The following REV3L variants were observed in gnomAD, a reference collection of about 807,000 sequenced individuals.
REV3L encodes REV3 like, DNA directed polymerase zeta catalytic subunit.
In REV3L, 69 loss-of-function variants were observed where a neutral mutation model predicts 299.4. The observed-to-expected ratio is 0.23, with a 90% CI of 0.19 to 0.28. The LOEUF is 0.28. REV3L is among the 10% of genes least tolerant of loss of function. The pLI is 1.00. For missense variants in REV3L, 3,128 were observed against 3,693.8 expected, an observed-to-expected ratio of 0.85 and a Z score of 3.97; for synonymous variants, 1,238 against 1,271.4, an observed-to-expected ratio of 0.97 and a Z score of 0.56.
chr6:111,388,980 AATAC>A lies in REV3L; in HGVS notation c.862+122_862+125del, dbSNP rs1272943994. ...GCTGTACAGCAATGACAACAAGAAA[AATAC>A]ATACAAAATATAAAGGTCATTTGAA... On this transcript the variant is annotated intron_variant, in intron 7 of 31. Transcript: ENST00000368802. The A allele has an allele frequency of 6.0e-6, 4 of 665,536 alleles. No homozygotes were observed. In the Admixed American group the frequency reaches 1.2e-4, roughly 19 times the overall value. 41.2% of individuals were successfully genotyped at this position (665,536 alleles called of 1,614,324 possible). A position where few individuals can be genotyped will look rare whatever the true frequency, so the allele number is the denominator to read the frequency against.
rs1291209543 is a variant in REV3L at position 111,367,694 on chromosome 6, T to C, written c.6094A>G (p.Lys2032Glu). 1.2e-6 allele frequency: 2 copies of C among 1,614,228 alleles called. No homozygotes were observed. Among genetic ancestry groups the C allele is most frequent in the South Asian group, 2.2e-5 (2 of 91,090 alleles). ...GAAGAGCTAAAGTTCTCAGCAGATT[T>C]TACAACTCCAGTTGGCTTGGTTTTA... is the stretch of plus-strand genomic sequence containing the variant. ...LPKTKPTGVV[K>E]SAENFSSSVN... Residue 2032 changes from lysine to glutamate, a missense_variant, in exon 14 of 32, where the codon AAA (lysine) becomes GAA (glutamate). By Grantham distance (56) the Lys-to-Glu change is moderately conservative. Around this residue, in one of 9 missense-constraint regions of REV3L, gnomAD observed 2,409 missense variants for 2,611.8 expected, o/e 0.92. Coordinates refer to ENST00000368802, the MANE Select transcript of REV3L (RefSeq NM_001372078.1).
At chr6:111,405,334 T>G in intron 4 of REV3L, 136 bp downstream of exon 4, 1 of 590,624 alleles carries the variant, frequency 1.7e-6, no homozygotes, top group Non-Finnish European at 2.6e-6. Context: ...CCACTTTGCA[T>G]GTATTTCTTT....
Position 111,377,837 on chromosome 6 carries a change from C to G in REV3L, c.1461G>C (p.Leu487=). 6.2e-7 allele frequency: 1 copy of G among 1,610,448 alleles called. No homozygotes were observed. The highest frequency in any genetic ancestry group is 8.5e-7 in the Non-Finnish European group (1 of 1,178,654). The change falls in exon 12 of 32, where the codon CTG becomes CTC. Residue 487 remains leucine (L), a synonymous_variant. Transcript: ENST00000368802. ...IEEHCAKKRS[L]CRNTHRSSTE... is the part of the protein sequence containing the mutation. ...TTGAACTTCTGTGGGTATTTCTGCA[C>G]AGTGATCTGGAGAACATTAAAATTC...
At position 111,416,347 on chromosome 6, in the gene REV3L, C is replaced by A. The variant is rs763277034; in HGVS notation, c.265G>T (p.Val89Leu). ...MAFSIDRALN[V>L]ALGNPSSTAQ... ...GTGGAAGATGGATTGCCTAAAGCCA[C>A]ATTAAGTGCTCTGTCGATACTGAAT... is the stretch of plus-strand genomic sequence containing the variant. The change falls in exon 2 of 32, where the codon GTG becomes TTG. Residue 89 changes from valine (V) to leucine (L), a missense_variant. Physicochemically the swap from Val to Leu is conservative, Grantham distance 32 (BLOSUM62 1). Transcript: ENST00000368802. 6.2e-7 allele frequency: 1 copy of A among 1,613,916 alleles called. No individual in the cohort carries two copies. The highest frequency in any genetic ancestry group is 1.7e-5 in the Admixed American group (1 of 60,002).
At chr6:111,360,148 A>G (rs1182578918) in intron 16 of REV3L, among the ~76,000 whole-genome samples, 2 of 152,196 alleles carry the variant, frequency 1.3e-5, no homozygotes, top group Admixed American at 6.5e-5. Context: ...GATACACACA[A>G]TGGAATATTC....
At chr6:111,429,522 C>A (rs1204348708) in intron 1 of REV3L, among the ~76,000 whole-genome samples, 1 of 127,264 alleles carries the variant, frequency 7.9e-6, no homozygotes, top group African/African-American at 2.5e-5. Flanking sequence ...TTGTAGTGTA[C>A]AATCCATTTG....
Position 111,299,842 on chromosome 6 carries a change from C to A in REV3L, c.*174G>T. 1 of 507,206 alleles carries A rather than the reference C, an allele frequency of 2.0e-6. No individual in the cohort carries two copies. The highest frequency in any genetic ancestry group is 3.3e-6 in the Non-Finnish European group (1 of 299,032). 31.4% of individuals were successfully genotyped at this position (507,206 alleles called of 1,614,324 possible). ...GAATTTGTACATTGTAAGAAGTGAG[C>A]TATTCAGAGATCAACAAGTACATTT... is the stretch of plus-strand genomic sequence containing the variant. On this transcript the variant is annotated 3_prime_UTR_variant, in exon 32 of 32. Coordinates refer to ENST00000368802, the MANE Select transcript of REV3L (RefSeq NM_001372078.1).
intron 1 of REV3L, among the ~76,000 whole-genome samples, chr6:111,456,178 A>C (rs138917865): frequency 6.6e-6 from 1 of 152,346 alleles, no homozygotes; most frequent in African/African-American, 2.4e-5. Context: ...GTTAAGCAAC[A>C]CACAACTATA....
Position 111,416,195 on chromosome 6 carries a change from G to T in REV3L, c.329+88C>A, listed in dbSNP as rs1329036414. ...CAGTTCCATTAGACTAGAAGTAAAA[G>T]AAATAGAGTTTATCAACTGAGTATG... On this transcript the variant is annotated intron_variant, in intron 2 of 31. Coordinates refer to ENST00000368802, the MANE Select transcript of REV3L (RefSeq NM_001372078.1). 1.9e-5 allele frequency: 17 copies of T among 905,236 alleles called. No individual in the cohort carries two copies. In the Admixed American group the frequency reaches 2.0e-4, roughly 10 times the overall value. 56.1% of individuals were successfully genotyped at this position (905,236 alleles called of 1,614,324 possible). A position where few individuals can be genotyped will look rare whatever the true frequency, so the allele number is the denominator to read the frequency against.
At position 111,372,890 on chromosome 6, in the gene REV3L, A is replaced by G. The variant is rs756969348; in HGVS notation, c.5465T>C (p.Leu1822Pro). 1 of 1,614,044 alleles carries G rather than the reference A, an allele frequency of 6.2e-7. No homozygotes were observed. Among genetic ancestry groups the G allele is most frequent in the Non-Finnish European group, 8.5e-7 (1 of 1,180,000 alleles). Residue 1822 changes from leucine (L) to proline (P), a missense_variant, in exon 13 of 32, where the codon CTC becomes CCC. Physicochemically the swap from Leu to Pro is moderately conservative, Grantham distance 98 (BLOSUM62 -3). This residue lies in a region of REV3L where 2,409 missense variants were observed against 2,611.8 expected (regional missense o/e 0.92). Coordinates refer to ENST00000368802, the MANE Select transcript of REV3L (RefSeq NM_001372078.1). The stretch of plus-strand genomic sequence containing the variant: ...TACAAGTTCACCATCAGGGGAGGAG[A>G]GTATTGCAGTAAAAGAGGTATTGGC... ...DSANTSFTAI[L>P]SSPDGELVDV...
chr6:111,455,052 G>A (rs143644271), intron 1 of REV3L, among the ~76,000 whole-genome samples: 2 of 152,080 alleles, frequency 1.3e-5, no homozygotes, highest in African/African-American at 2.4e-5. Flanking sequence ...CTCATGAAAC[G>A]CACACTCTAA....
chr6:111,334,300 T>C (rs1775695748), intron 22 of REV3L, among the ~76,000 whole-genome samples: 1 of 152,190 alleles, frequency 6.6e-6, no homozygotes, highest in Admixed American at 6.5e-5. Context: ...GCTGTATAGT[T>C]TGACAATTTC....
Position 111,375,783 on chromosome 6 carries a change from T to C in REV3L, c.2572A>G (p.Ile858Val). ...SETGSTKDNF[I>V]QNNPCNSNPE... is the part of the protein sequence containing the mutation. ...TTACTATTACAAGGATTATTTTGTA[T>C]AAAATTATCTTTTGTGGATCCAGTC... The change falls in exon 13 of 32, where the codon ATA (isoleucine) becomes GTA (valine). Residue 858 changes from isoleucine (I) to valine (V), a missense_variant. Physicochemically the swap from Ile to Val is conservative, Grantham distance 29. Around this residue, in one of 9 missense-constraint regions of REV3L, gnomAD observed 2,409 missense variants for 2,611.8 expected, o/e 0.92. Transcript: ENST00000368802. 2.5e-6 allele frequency: 4 copies of C among 1,613,594 alleles called. No homozygotes were observed. The highest frequency in any genetic ancestry group is 3.4e-6 in the Non-Finnish European group (4 of 1,179,684).
At chr6:111,482,359 G>C (rs769228305) in intron 1 of REV3L, among the ~76,000 whole-genome samples, 2 of 152,206 alleles carry the variant, frequency 1.3e-5, no homozygotes, top group African/African-American at 4.8e-5. Flanking sequence ...ACTAGCGACC[G>C]ACCTCAGAGC....
At chr6:111,414,490 G>T (rs1236224697) in intron 2 of REV3L, among the ~76,000 whole-genome samples, 2 of 152,044 alleles carry the variant, frequency 1.3e-5, no homozygotes, top group South Asian at 2.1e-4. Context: ...AGCCACTCAA[G>T]AATTTTTAAA....
intron 20 of REV3L, among the ~76,000 whole-genome samples, chr6:111,344,916 G>C (rs1776877739): frequency 6.6e-6 from 1 of 152,166 alleles, no homozygotes; most frequent in Non-Finnish European, 1.5e-5. Context: ...TCAGTGCAGT[G>C]ACCCAAATTG....
At chr6:111,333,642 T>C (rs1775618481) in intron 22 of REV3L, among the ~76,000 whole-genome samples, 1 of 151,058 alleles carries the variant, frequency 6.6e-6, no homozygotes, top group African/African-American at 2.4e-5. Context: ...GTCCAGCTAA[T>C]TTTTTGTATT....
At chr6:111,473,819 C>T (rs1399511840) in intron 1 of REV3L, among the ~76,000 whole-genome samples, 1 of 151,990 alleles carries the variant, frequency 6.6e-6, no homozygotes, top group Non-Finnish European at 1.5e-5. Context: ...GCTGAAGAGT[C>T]AAGATCCAAG....
chr6:111,451,146 A>G (rs1789491900), intron 1 of REV3L, among the ~76,000 whole-genome samples: 1 of 152,198 alleles, frequency 6.6e-6, no homozygotes, highest in Non-Finnish European at 1.5e-5. Flanking sequence ...GTCATAGAAG[A>G]AAAAGGGGAA....
Sources: gnomAD v4.1 joint callset for allele counts (sites outside exome capture counted in the v4.1 genomes callset) on GRCh38, gnomAD v4.1.1 for gene constraint, gnomAD v4.1.1 regional missense constraint, MANE v1.5 for transcripts, NCBI Gene and HGNC (gene_info 2026-07-23, HGNC 2026-07-21) for gene names.